The following PDS5B variants were observed in gnomAD, a reference collection of about 807,000 sequenced individuals.
PDS5B encodes PDS5 cohesin associated factor B.
A neutral mutation model predicts 184.1 loss-of-function variants in PDS5B; 51 were observed. The observed-to-expected ratio is 0.28, with a 90% confidence interval of 0.22 to 0.35. The LOEUF is 0.35. Ranked by LOEUF, PDS5B falls within the 10% of genes least tolerant of loss-of-function variation. The probability of loss-of-function intolerance (pLI) is 1.00; values close to 1 mark genes in which losing one functional copy is unlikely to be tolerated. For missense variants in PDS5B, 1,180 were observed against 1,723.3 expected (o/e 0.68, Z 5.58); for synonymous variants, 566 against 569.2 (o/e 0.99, Z 0.08).
chr13:32,770,133 A>G lies in PDS5B; in HGVS notation c.3637A>G (p.Lys1213Glu). ...TTTTTTCCCCTAGTCTGAATTGGAG[A>G]AGCCTAGAGGCAGGAAAAAAACGCC... ...DSDLVRSELE[K>E]PRGRKKTPVT... Residue 1213 changes from lysine (K) to glutamate (E), a missense_variant, in exon 32 of 35, where the codon AAG (lysine) becomes GAG (glutamate). By Grantham distance (56) the Lys-to-Glu change is moderately conservative. This residue lies in a region of PDS5B where 465 missense variants were observed against 497.8 expected (regional missense o/e 0.93). Transcript: ENST00000315596. 1 of 1,600,404 alleles carries G rather than the reference A, an allele frequency of 6.2e-7. No homozygotes were observed. Among genetic ancestry groups the G allele is most frequent in the Non-Finnish European group, 8.5e-7 (1 of 1,175,738 alleles).
chr13:32,748,448 T>C (rs973867876), intron 24 of PDS5B, among the ~76,000 whole-genome samples: 1 of 149,488 alleles, frequency 6.7e-6, no homozygotes, highest in African/African-American at 2.5e-5. Context: ...TCTGATTACA[T>C]TTTCTGGCTC....
chr13:32,605,617 T>A (rs533400848), intron 1 of PDS5B, among the ~76,000 whole-genome samples: 1 of 152,344 alleles, frequency 6.6e-6, no homozygotes, highest in East Asian at 1.9e-4. Flanking sequence ...GTTCAAGTCC[T>A]GGATATCCTT....
intron 6 of PDS5B, among the ~76,000 whole-genome samples, chr13:32,662,609 A>G (rs1950680346): frequency 6.6e-6 from 1 of 152,142 alleles, no homozygotes; most frequent in Non-Finnish European, 1.5e-5. Context: ...TCATAATGGC[A>G]GTTAAAATAT....
chr13:32,691,435 T>C (rs1951547647), intron 13 of PDS5B, among the ~76,000 whole-genome samples: 1 of 152,134 alleles, frequency 6.6e-6, no homozygotes, highest in African/African-American at 2.4e-5. Context: ...AGAAAATGGA[T>C]GTCTGCATTA....
At chr13:32,721,184 G>C (rs1051712702) in intron 19 of PDS5B, among the ~76,000 whole-genome samples, 2 of 152,198 alleles carry the variant, frequency 1.3e-5, no homozygotes, top group African/African-American at 2.4e-5. Context: ...GTGGTGGCTG[G>C]GCAGAGGGGC....
At chr13:32,629,368 AGTGTTGGCTACATTGGATACCTT>A (rs1241502013) in intron 1 of PDS5B, among the ~76,000 whole-genome samples, 4 of 151,664 alleles carry the variant, frequency 2.6e-5, no homozygotes, top group African/African-American at 4.9e-5. Flanking sequence ...TTGGATACCG[AGTGTTGGCTACATTGGATACCTT>A]GTGTTGGCTA....
intron 1 of PDS5B, among the ~76,000 whole-genome samples, chr13:32,640,226 A>AT (rs1471563672): frequency 2.6e-5 from 4 of 152,160 alleles, no homozygotes; most frequent in Non-Finnish European, 5.9e-5. Context: ...TTAAAAAAAA[A>AT]CTTTAGTATT....
chr13:32,643,836 A>G (rs1950159075), intron 1 of PDS5B, among the ~76,000 whole-genome samples: 1 of 152,192 alleles, frequency 6.6e-6, no homozygotes, highest in Non-Finnish European at 1.5e-5. Flanking sequence ...CGTATTTATT[A>G]GAATGTATCC....
At chr13:32,672,373 G>T (rs1377961392) in intron 7 of PDS5B, among the ~76,000 whole-genome samples, 1 of 151,936 alleles carries the variant, frequency 6.6e-6, no homozygotes, top group East Asian at 1.9e-4. Flanking sequence ...TTGAGTGAGT[G>T]TATGTATATA....
chr13:32,697,799 C>A (rs1239641089), intron 15 of PDS5B, among the ~76,000 whole-genome samples: 1 of 152,174 alleles, frequency 6.6e-6, no homozygotes, highest in Non-Finnish European at 1.5e-5. Flanking sequence ...CTATCTTGAC[C>A]TCCTGGGCTC....
chr13:32,672,549 A>G (rs1950965484), intron 7 of PDS5B, among the ~76,000 whole-genome samples: 1 of 152,210 alleles, frequency 6.6e-6, no homozygotes, highest in African/African-American at 2.4e-5. Context: ...CTGGAGAACC[A>G]GGGAAGCCAA....
intron 19 of PDS5B, among the ~76,000 whole-genome samples, chr13:32,716,572 G>A (rs1273500938): frequency 6.6e-6 from 1 of 151,252 alleles, no homozygotes; most frequent in Non-Finnish European, 1.5e-5. Flanking sequence ...AGGGAGGTGG[G>A]GGTCAGCCCC....
At chr13:32,658,587 T>C in intron 5 of PDS5B, 56 bp downstream of exon 5, 1 of 848,280 alleles carries the variant, frequency 1.2e-6, no homozygotes, top group East Asian at 2.7e-5. Flanking sequence ...ATTTTGAACT[T>C]GTAGGTGAAT....
intron 3 of PDS5B, among the ~76,000 whole-genome samples, chr13:32,655,241 G>T (rs1950472153): frequency 6.7e-6 from 1 of 149,832 alleles, no homozygotes. Context: ...GGTACGAGAT[G>T]ATATCTTGTT....
chr13:32,716,241 C>T (rs1202001815), intron 19 of PDS5B, among the ~76,000 whole-genome samples: 9 of 151,750 alleles, frequency 5.9e-5, no homozygotes, highest in Admixed American at 5.9e-4. Context: ...GCCGCCATCC[C>T]ATCTAGGAAG....
chr13:32,723,962 A>T (rs1169813870), intron 19 of PDS5B, among the ~76,000 whole-genome samples: 1 of 152,244 alleles, frequency 6.6e-6, no homozygotes, highest in South Asian at 2.1e-4. Flanking sequence ...ATAAACTTAC[A>T]GCCAGCTTTA....
chr13:32,597,854 A>G (rs2057904042), intron 1 of PDS5B, among the ~76,000 whole-genome samples: 1 of 152,026 alleles, frequency 6.6e-6, no homozygotes, highest in Non-Finnish European at 1.5e-5. Context: ...AAAAAAAAAA[A>G]AAAGAAAATT....
rs180723022 is a variant in PDS5B at position 32,651,461 on chromosome 13, G to T, written c.109-343G>T. Among the ~76,000 whole-genome samples the T allele has an allele frequency of 4.0e-3, 603 of 152,264 alleles. 5 individuals carry two copies. Among genetic ancestry groups the T allele is most frequent in the African/African-American group, 0.014 (575 of 41,536 alleles). ...TTTTTAAAAAAGATGGTATTCTTAA[G>T]GACATACTCCTTTTAGTCCAGTTGT... On this transcript the variant is annotated intron_variant, in intron 2 of 34. Transcript: ENST00000315596.
At chr13:32,592,301 C>G (rs1162723572) in intron 1 of PDS5B, among the ~76,000 whole-genome samples, 1 of 152,106 alleles carries the variant, frequency 6.6e-6, no homozygotes, top group Non-Finnish European at 1.5e-5. Flanking sequence ...GTTGCACAGG[C>G]TGGAATGCAG....
Sources: allele counts gnomAD v4.1 joint callset (sites outside exome capture counted in the v4.1 genomes callset), GRCh38; gene constraint gnomAD v4.1.1; regional missense constraint gnomAD v4.1.1; transcripts MANE v1.5; gene names NCBI Gene and HGNC (gene_info 2026-07-23, HGNC 2026-07-21).